Variants in TC2N observed in about 807,000 individuals in gnomAD.
TC2N encodes the protein tandem C2 domains, nuclear.
TC2N carries 51 observed loss-of-function variants against 61.9 expected under a neutral mutation model. The ratio of observed to expected loss-of-function variants is 0.82; its 90% CI spans 0.66 to 1.04. The LOEUF is 1.04. Among genes scored for constraint, TC2N ranks in the 50% least tolerant of loss-of-function variants. The pLI is 0.00. For synonymous variants in TC2N, 204 were observed against 192.6 expected (o/e 1.06, Z -0.49); for missense variants, 556 against 566.7 (o/e 0.98, Z 0.19).
intron 3 of TC2N, among the ~76,000 whole-genome samples, chr14:91,806,210 T>A (rs1465463438): frequency 6.6e-6 from 1 of 152,144 alleles, no homozygotes; most frequent in Non-Finnish European, 1.5e-5. Context: ...TTTTTCTTTA[T>A]AAATTACCTA....
chr14:91,839,931 A>G (rs947836979), intron 1 of TC2N, among the ~76,000 whole-genome samples: 24 of 152,226 alleles, frequency 1.6e-4, no homozygotes, highest in Non-Finnish European at 1.5e-5. Flanking sequence ...TGCTTTGCCT[A>G]GCCACTCCCC....
intron 3 of TC2N, among the ~76,000 whole-genome samples, chr14:91,807,215 G>C (rs546157300): frequency 1.4e-4 from 21 of 152,344 alleles, no homozygotes; most frequent in African/African-American, 5.1e-4. Flanking sequence ...CCTCTGCTAG[G>C]GCAGTATGGA....
rs1885021730 is a variant in TC2N, at chr14:91,780,112, G to C, written c.*2988C>G. On this transcript the variant is annotated 3_prime_UTR_variant, in exon 12 of 12. Transcript: ENST00000435962. ...TTATGCACCAAGATAACATTAGAAAGTGTCTTCAGACATTTTATCAGGTAT... is the reference window on the plus strand; with the variant it reads ...TTATGCACCAAGATAACATTAGAAACTGTCTTCAGACATTTTATCAGGTAT... 1 of 152,070 alleles carries C rather than the reference G, an allele frequency of 6.6e-6. No homozygotes were observed. Among genetic ancestry groups the C allele is most frequent in the South Asian group, 2.1e-4 (1 of 4,822 alleles). 9.4% of individuals were successfully genotyped at this position (152,070 alleles called of 1,614,324 possible). A position where few individuals can be genotyped will look rare whatever the true frequency, so the allele number is the denominator to read the frequency against.
Position 91,853,539 on chromosome 14 carries a change from A to G in TC2N, c.-57+13723T>C, listed in dbSNP as rs144070977. Among the ~76,000 whole-genome samples the G allele has an allele frequency of 3.3e-3, 504 of 152,226 alleles. 2 individuals are homozygous for G. Among genetic ancestry groups the G allele is most frequent in the African/African-American group, 0.011 (452 of 41,514 alleles). On this transcript the variant is annotated intron_variant, in intron 1 of 11. Coordinates refer to ENST00000435962, the MANE Select transcript of TC2N (RefSeq NM_001128596.3). ...AGTTGATGTCAGAATTAGAAAAGGA[A>G]CTTTTTGAACATTTCTGCATGTATC...
rs148225537 is a variant in TC2N at position 91,862,403 on chromosome 14, C to A, written c.-57+4859G>T. ...AGCATGGATTCAGAGTTTGAGCAGG[C>A]GAGGAAGAGGAAGAGAAAGAGAATC... On this transcript the variant is annotated intron_variant, in intron 1 of 11. Transcript: ENST00000435962. Among the ~76,000 whole-genome samples the A allele has an allele frequency of 2.6e-5, 4 of 151,226 alleles. No individual in the cohort carries two copies. The South Asian group carries it at 8.4e-4, about 32-fold the overall frequency.
intron 1 of TC2N, among the ~76,000 whole-genome samples, chr14:91,826,259 G>C (rs1248222031): frequency 1.3e-5 from 2 of 150,456 alleles, no homozygotes; most frequent in Non-Finnish European, 3.0e-5. Flanking sequence ...AGTGGAGGCT[G>C]TGGGAAGCCG....
rs1405858662 is a variant in TC2N, at chr14:91,780,389, A to C, written c.*2711T>G. ...TCAGTTTAGGGTCTTTTCAGACCACAATTATATAACTTGTTCAAAATCCCA... is the reference window on the plus strand; with the variant it reads ...TCAGTTTAGGGTCTTTTCAGACCACCATTATATAACTTGTTCAAAATCCCA... On this transcript the variant is annotated 3_prime_UTR_variant, in exon 12 of 12. Transcript: ENST00000435962. 1 of 152,230 alleles carries C rather than the reference A, an allele frequency of 6.6e-6. No homozygotes were observed. The highest frequency in any genetic ancestry group is 2.4e-5 in the African/African-American group (1 of 41,466). The allele number at this position is 152,230 out of a possible 1,614,324, so 9.4% of individuals were successfully genotyped here. A position where few individuals can be genotyped will look rare whatever the true frequency, so the allele number is the denominator to read the frequency against.
intron 1 of TC2N, among the ~76,000 whole-genome samples, chr14:91,823,155 A>G (rs575266980): frequency 2.2e-4 from 34 of 152,188 alleles, no homozygotes; most frequent in South Asian, 6.2e-4. Flanking sequence ...AAAATAATAC[A>G]TAAGTAGAAT....
At chr14:91,811,529 A>C (rs1260487559) in intron 3 of TC2N, among the ~76,000 whole-genome samples, 65 of 152,098 alleles carry the variant, frequency 4.3e-4, no homozygotes, top group Non-Finnish European at 5.9e-5. Context: ...TGGCTTCTAC[A>C]TCAGCCAAAT....
chr14:91,855,777 C>T (rs1055839540), intron 1 of TC2N, among the ~76,000 whole-genome samples: 5 of 152,158 alleles, frequency 3.3e-5, no homozygotes, highest in East Asian at 1.9e-4. Context: ...TTGGATGGTG[C>T]GGGGCGAGGG....
In TC2N at chr14:91,839,241, G is replaced by A. The variant is rs147329025; in HGVS notation, c.-56-25416C>T. On this transcript the variant is annotated intron_variant, in intron 1 of 11. Transcript: ENST00000435962. Reference sequence around the variant, plus strand: ...ACCTTTTTGACCTACTGAAGGAATTGCAGTTCCATAAACTGTCGAATTTGC... The same window carrying A: ...ACCTTTTTGACCTACTGAAGGAATTACAGTTCCATAAACTGTCGAATTTGC... Among the ~76,000 whole-genome samples, 225 of 152,230 alleles carry A rather than the reference G, an allele frequency of 1.5e-3. 4 individuals carry two copies. Among genetic ancestry groups the A allele is most frequent in the African/African-American group, 4.6e-3 (193 of 41,522 alleles).
intron 1 of TC2N, among the ~76,000 whole-genome samples, chr14:91,846,839 C>T (rs1888278848): frequency 6.6e-6 from 1 of 152,240 alleles, no homozygotes; most frequent in South Asian, 2.1e-4. Flanking sequence ...CATTCTGCTG[C>T]CCATGGCTGA....
chr14:91,797,734 TATAA>T, intron 8 of TC2N, 47 bp downstream of exon 8: 3 of 981,924 alleles, frequency 3.1e-6, no homozygotes, highest in South Asian at 1.7e-5. Context: ...AAGTGACAAA[TATAA>T]AAAAAAAAAA....
At chr14:91,804,869 G>A (rs1886433906) in intron 3 of TC2N, among the ~76,000 whole-genome samples, 2 of 152,108 alleles carry the variant, frequency 1.3e-5, no homozygotes, top group Admixed American at 1.3e-4. Flanking sequence ...TCTTTACCTA[G>A]GCTGTACCTA....
chr14:91,800,353 G>A lies in TC2N; in HGVS notation c.489C>T (p.Asn163=). The change falls in exon 5 of 12, where the codon AAC becomes AAT. Residue 163 remains asparagine (N), a synonymous_variant. Transcript: ENST00000435962. ...TTAGCCCAGGGGAACCGGGAAGTTTGTTCGTCCTTAAATCACAAACTACAA... is the reference window on the plus strand; with the variant it reads ...TTAGCCCAGGGGAACCGGGAAGTTTATTCGTCCTTAAATCACAAACTACAA... ...LYGSVCDLRT[N]KLPGSPGLSK... is the part of the protein sequence containing the mutation. 2 of 1,602,640 alleles carry A rather than the reference G, an allele frequency of 1.2e-6. No individual in the cohort carries two copies. Among genetic ancestry groups the A allele is most frequent in the African/African-American group, 2.7e-5 (2 of 74,460 alleles).
intron 9 of TC2N, among the ~76,000 whole-genome samples, chr14:91,790,980 A>T (rs1885613177): frequency 6.6e-6 from 1 of 151,970 alleles, no homozygotes; most frequent in African/African-American, 2.4e-5. Flanking sequence ...CTAAAAATTT[A>T]AAAAATTAGC....
At chr14:91,820,108 C>T (rs1263873321) in intron 1 of TC2N, among the ~76,000 whole-genome samples, 1 of 151,986 alleles carries the variant, frequency 6.6e-6, no homozygotes, top group East Asian at 1.9e-4. Flanking sequence ...CAGAAATTGC[C>T]AGACTGGATA....
chr14:91,862,255 G>A lies in TC2N; in HGVS notation c.-57+5007C>T, dbSNP rs570489317. On this transcript the variant is annotated intron_variant, in intron 1 of 11. Coordinates refer to ENST00000435962, the MANE Select transcript of TC2N (RefSeq NM_001128596.3). ...CTTGGGATGCTGAGATGGTAGGATCGCTTAAGCCCAGGAGATGGAGGTTGC... is the reference window on the plus strand; with the variant it reads ...CTTGGGATGCTGAGATGGTAGGATCACTTAAGCCCAGGAGATGGAGGTTGC... 3.8e-3 allele frequency among the ~76,000 whole-genome samples: 569 copies of A among 150,182 alleles called. 5 individuals carry two copies. Among genetic ancestry groups the A allele is most frequent in the African/African-American group, 0.013 (528 of 40,616 alleles).
intron 1 of TC2N, among the ~76,000 whole-genome samples, chr14:91,841,585 G>A (rs1393802964): frequency 6.6e-6 from 1 of 152,146 alleles, no homozygotes; most frequent in Non-Finnish European, 1.5e-5. Context: ...AGTCCCTGCT[G>A]GCCAGAGGAC....
Sources: gnomAD v4.1 joint callset for allele counts (sites outside exome capture counted in the v4.1 genomes callset) on GRCh38, gnomAD v4.1.1 for gene constraint, MANE v1.5 for transcripts, NCBI Gene and HGNC (gene_info 2026-07-23, HGNC 2026-07-21) for gene names.